Variants in TUSC3 observed in about 807,000 individuals in gnomAD.
TUSC3 encodes tumor suppressor candidate 3.
TUSC3 carries 45 observed loss-of-function variants against 44.8 expected under a neutral mutation model. That is an observed-to-expected ratio of 1.00 (90% CI 0.79 to 1.29). TUSC3 has a LOEUF of 1.29. Among genes scored for constraint, TUSC3 ranks in the 50% most tolerant of loss-of-function variants. The probability of loss-of-function intolerance (pLI) is 0.00; values close to 1 mark genes in which losing one functional copy is unlikely to be tolerated. For synonymous variants in TUSC3, 212 were observed against 152.9 expected (o/e 1.39, Z -2.85); for missense variants, 519 against 437.9 (o/e 1.19, Z -1.65).
At position 15,632,702 on chromosome 8, in the gene TUSC3, G is replaced by A. The variant is rs1282316861; in HGVS notation, c.308+9453G>A. Among the ~76,000 whole-genome samples, 3 of 152,266 alleles carry A rather than the reference G, an allele frequency of 2.0e-5. No individual in the cohort carries two copies. In the East Asian group the frequency reaches 5.8e-4, roughly 29 times the overall value. Reference sequence around the variant, plus strand: ...TAAGTGATTTCTTCTACATTAATTAGTTGTCATTCTTCTGTAAAGGCAAGG... The same window carrying A: ...TAAGTGATTTCTTCTACATTAATTAATTGTCATTCTTCTGTAAAGGCAAGG... On this transcript the variant is annotated intron_variant, in intron 2 of 10. Coordinates refer to ENST00000503731, the MANE Select transcript of TUSC3 (RefSeq NM_006765.4).
Position 15,623,206 on chromosome 8 carries a change from A to G in TUSC3, c.265A>G (p.Met89Val), listed in dbSNP as rs929975691. 6.2e-7 allele frequency: 1 copy of G among 1,613,044 alleles called. No homozygotes were observed. Among genetic ancestry groups the G allele is most frequent in the Non-Finnish European group, 8.5e-7 (1 of 1,179,474 alleles). The change falls in exon 2 of 11, where the codon ATG becomes GTG. Residue 89 changes from methionine to valine, a missense_variant. Met to Val is a conservative substitution (Grantham distance 21, BLOSUM62 1). Coordinates refer to ENST00000503731, the MANE Select transcript of TUSC3 (RefSeq NM_006765.4). ...APPRNYSMIV[M>V]FTALQPQRQC... Reference sequence around the variant, plus strand: ...ACCTCGAAACTATTCCATGATTGTTATGTTCACTGCTCTTCAGCCTCAGCG... The same window carrying G: ...ACCTCGAAACTATTCCATGATTGTTGTGTTCACTGCTCTTCAGCCTCAGCG...
At chr8:15,650,480 C>G (rs1280805615) in intron 2 of TUSC3, among the ~76,000 whole-genome samples, 1 of 151,908 alleles carries the variant, frequency 6.6e-6, no homozygotes, top group Non-Finnish European at 1.5e-5. Flanking sequence ...GGCTGTGTCG[C>G]AATAAAACTG....
chr8:15,666,115 G>T (rs1403242798), intron 5 of TUSC3, among the ~76,000 whole-genome samples: 3 of 151,400 alleles, frequency 2.0e-5, no homozygotes, highest in South Asian at 4.1e-4. Context: ...TATTGACTTG[G>T]AACCAAAATG....
chr8:15,612,474 T>C (rs1352097078), intron 1 of TUSC3, among the ~76,000 whole-genome samples: 2 of 152,248 alleles, frequency 1.3e-5, no homozygotes, highest in African/African-American at 4.8e-5. Context: ...TTTTTGGTTA[T>C]AAATTGGTTA....
intron 9 of TUSC3, among the ~76,000 whole-genome samples, chr8:15,756,196 C>G (rs1411472845): frequency 1.3e-5 from 2 of 152,132 alleles, no homozygotes; most frequent in African/African-American, 4.8e-5. Flanking sequence ...AATTTTGGTT[C>G]CTCTTAACTA....
chr8:15,463,707 T>G (rs771826092), intron 1 of TUSC3, among the ~76,000 whole-genome samples: 1 of 152,120 alleles, frequency 6.6e-6, no homozygotes, highest in East Asian at 1.9e-4. Flanking sequence ...TTCACCTGCA[T>G]TAAAGAGAAT....
At chr8:15,685,945 C>T (rs1300020511) in intron 6 of TUSC3, among the ~76,000 whole-genome samples, 1 of 148,976 alleles carries the variant, frequency 6.7e-6, no homozygotes, top group Non-Finnish European at 1.5e-5. Context: ...TCTAGGAAAA[C>T]CTGAAGATAT....
chr8:15,694,347 CA>C (rs1187718837), intron 6 of TUSC3, among the ~76,000 whole-genome samples: 2 of 141,538 alleles, frequency 1.4e-5, no homozygotes, highest in Admixed American at 1.6e-4. Context: ...GAGTCTGAGA[CA>C]GGAAAATCAC....
At chr8:15,467,808 C>T (rs994453697) in intron 1 of TUSC3, among the ~76,000 whole-genome samples, 2 of 152,128 alleles carry the variant, frequency 1.3e-5, no homozygotes, top group African/African-American at 4.8e-5. Flanking sequence ...CTTTTAAGGA[C>T]ACAATATCTT....
chr8:15,587,389 A>G (rs1416442170), intron 1 of TUSC3, among the ~76,000 whole-genome samples: 2 of 152,142 alleles, frequency 1.3e-5, no homozygotes, highest in Non-Finnish European at 2.9e-5. Flanking sequence ...TTTTACATTA[A>G]AAAAGCATCC....
chr8:15,664,651 C>T (rs549405148), intron 5 of TUSC3, among the ~76,000 whole-genome samples: 1 of 149,504 alleles, frequency 6.7e-6, no homozygotes, highest in African/African-American at 2.4e-5. Context: ...AAACACTACA[C>T]TGATAATATA....
At chr8:15,481,434 A>C (rs1445033007) in intron 1 of TUSC3, among the ~76,000 whole-genome samples, 1 of 151,884 alleles carries the variant, frequency 6.6e-6, no homozygotes, top group Non-Finnish European at 1.5e-5. Context: ...CTTTTCCTTC[A>C]TGGGATGATG....
At chr8:15,588,809 G>T (rs1455667061) in intron 1 of TUSC3, among the ~76,000 whole-genome samples, 2 of 152,090 alleles carry the variant, frequency 1.3e-5, no homozygotes, top group South Asian at 4.1e-4. Flanking sequence ...ATTGAAGAGG[G>T]TGTCCTTTCC....
At chr8:15,450,745 T>C (rs1800187429) in intron 1 of TUSC3, among the ~76,000 whole-genome samples, 1 of 152,028 alleles carries the variant, frequency 6.6e-6, no homozygotes, top group Non-Finnish European at 1.5e-5. Flanking sequence ...AACACAGAAG[T>C]TCTACTAATC....
intron 5 of TUSC3, among the ~76,000 whole-genome samples, chr8:15,671,138 A>G (rs577144991): frequency 1.3e-5 from 2 of 152,046 alleles, no homozygotes; most frequent in East Asian, 1.9e-4. Flanking sequence ...TTTATCTGCT[A>G]AAGCTGAGTA....
At chr8:15,594,003 A>C (rs994830458) in intron 1 of TUSC3, among the ~76,000 whole-genome samples, 1 of 152,158 alleles carries the variant, frequency 6.6e-6, no homozygotes, top group Admixed American at 6.5e-5. Flanking sequence ...GCATGTACTA[A>C]CGATACTATA....
intron 2 of TUSC3, among the ~76,000 whole-genome samples, chr8:15,510,034 A>G (rs369053909): frequency 1.8e-4 from 28 of 152,156 alleles, no homozygotes; most frequent in Admixed American, 9.2e-4. Flanking sequence ...ATAGCGAGCC[A>G]TGGAGGTGCA....
rs966568250 is a variant in TUSC3 at position 15,764,465 on chromosome 8, T to G, written c.*309T>G. On this transcript the variant is annotated 3_prime_UTR_variant, in exon 11 of 11. Coordinates refer to ENST00000503731, the MANE Select transcript of TUSC3 (RefSeq NM_006765.4). ...TTCAGTGTGTGCCACAGGATTGAAA[T>G]AAATGACAATGTAATTATGAATTCA... is the stretch of plus-strand genomic sequence containing the variant. The G allele has an allele frequency of 4.7e-6, 2 of 425,134 alleles. No individual in the cohort carries two copies. Among genetic ancestry groups the G allele is most frequent in the African/African-American group, 2.0e-5 (1 of 49,498 alleles). 26.3% of individuals were successfully genotyped at this position (425,134 alleles called of 1,614,324 possible).
chr8:15,538,424 G>A (rs1342471623), upstream of TUSC3, among the ~76,000 whole-genome samples: 2 of 152,148 alleles, frequency 1.3e-5, no homozygotes, highest in Non-Finnish European at 2.9e-5. Context: ...TCAAAAGCTT[G>A]CGATACAGAA....
Sources: allele counts gnomAD v4.1 joint callset (sites outside exome capture counted in the v4.1 genomes callset), GRCh38; gene constraint gnomAD v4.1.1; transcripts MANE v1.5; gene names NCBI Gene and HGNC (gene_info 2026-07-23, HGNC 2026-07-21).